EYA2: variants seen among roughly 807,000 people sequenced by gnomAD.
EYA2 encodes the protein EYA transcriptional coactivator and phosphatase 2.
EYA2 carries 31 observed loss-of-function variants against 69.2 expected under a neutral mutation model. The observed-to-expected ratio is 0.45, with a 90% CI of 0.34 to 0.60. The LOEUF is 0.60. EYA2 is among the 20% of genes least tolerant of loss of function. The pLI is 0.02. For missense variants in EYA2, 622 were observed against 701.2 expected, an observed-to-expected ratio of 0.89 and a Z score of 1.28; for synonymous variants, 257 against 279.4, an observed-to-expected ratio of 0.92 and a Z score of 0.80.
chr20:46,912,711 T>C (rs1170540973), intron 1 of EYA2, among the ~76,000 whole-genome samples: 1 of 151,296 alleles, frequency 6.6e-6, no homozygotes, highest in Non-Finnish European at 1.5e-5. Context: ...TCTTTTTTTT[T>C]GAGACGGAGT....
chr20:46,907,621 G>T (rs1030501345), intron 1 of EYA2, among the ~76,000 whole-genome samples: 2 of 152,198 alleles, frequency 1.3e-5, no homozygotes, highest in Non-Finnish European at 1.5e-5. Context: ...GGCGGATTGC[G>T]TGAAGTCAGA....
At chr20:46,968,622 G>C (rs993742570) in intron 1 of EYA2, among the ~76,000 whole-genome samples, 2 of 152,082 alleles carry the variant, frequency 1.3e-5, no homozygotes. Flanking sequence ...GACATTTTGG[G>C]TTGGATGATT....
chr20:47,044,745 T>C (rs1347545989), intron 5 of EYA2, among the ~76,000 whole-genome samples: 1 of 152,188 alleles, frequency 6.6e-6, no homozygotes, highest in Non-Finnish European at 1.5e-5. Flanking sequence ...ATTACTGATA[T>C]TTCTCCCATT....
At chr20:47,075,931 A>G (rs1286773535) in intron 7 of EYA2, among the ~76,000 whole-genome samples, 2 of 152,106 alleles carry the variant, frequency 1.3e-5, no homozygotes, top group African/African-American at 4.8e-5. Flanking sequence ...TTTAGCTCCC[A>G]CTTATAAGTA....
intron 5 of EYA2, among the ~76,000 whole-genome samples, chr20:47,063,859 T>G (rs990958907): frequency 1.4e-4 from 21 of 152,258 alleles, no homozygotes; most frequent in African/African-American, 5.1e-4. Flanking sequence ...TCAATACATC[T>G]GTGCTTTTGT....
intron 8 of EYA2, among the ~76,000 whole-genome samples, chr20:47,092,638 A>G (rs1287205708): frequency 6.6e-6 from 1 of 152,134 alleles, no homozygotes; most frequent in African/African-American, 2.4e-5. Flanking sequence ...TTTTTCCATT[A>G]AACTGAGAAA....
At chr20:47,118,864 C>T (rs1051484045) in intron 9 of EYA2, among the ~76,000 whole-genome samples, 5 of 152,154 alleles carry the variant, frequency 3.3e-5, no homozygotes, top group African/African-American at 1.2e-4. Flanking sequence ...CGCCAACTTC[C>T]CCCGCTTTCT....
intron 1 of EYA2, among the ~76,000 whole-genome samples, chr20:46,984,924 T>C (rs1215285758): frequency 6.6e-6 from 1 of 152,236 alleles, no homozygotes; most frequent in Non-Finnish European, 1.5e-5. Context: ...TATAGAATTA[T>C]AGCTACAAGC....
At chr20:47,150,331 G>T (rs546337189) in intron 10 of EYA2, among the ~76,000 whole-genome samples, 1 of 152,304 alleles carries the variant, frequency 6.6e-6, no homozygotes, top group East Asian at 1.9e-4. Flanking sequence ...TATGAATTAG[G>T]ATACAAGCTC....
At chr20:47,133,006 C>T (rs966285049) in intron 9 of EYA2, among the ~76,000 whole-genome samples, 10 of 152,280 alleles carry the variant, frequency 6.6e-5, no homozygotes, top group East Asian at 1.9e-4. Context: ...GGAATTGGCA[C>T]GTTGCATGCT....
intron 5 of EYA2, among the ~76,000 whole-genome samples, chr20:47,041,163 G>GA (rs1431661716): frequency 5.3e-5 from 8 of 152,208 alleles, no homozygotes; most frequent in Admixed American, 3.9e-4. Flanking sequence ...GAATTCTACA[G>GA]AAAAATCTGA....
intron 1 of EYA2, among the ~76,000 whole-genome samples, chr20:46,985,279 G>C (rs942907013): frequency 1.3e-5 from 2 of 152,142 alleles, no homozygotes; most frequent in Admixed American, 1.3e-4. Flanking sequence ...GAATGAACAA[G>C]ATTCTGTGTT....
intron 1 of EYA2, among the ~76,000 whole-genome samples, chr20:46,909,858 T>C (rs994174922): frequency 1.3e-5 from 2 of 152,204 alleles, no homozygotes; most frequent in African/African-American, 2.4e-5. Context: ...CTTATGAAAT[T>C]TGTGCTTTTT....
chr20:46,929,582 C>G (rs1275120701), intron 1 of EYA2, among the ~76,000 whole-genome samples: 1 of 151,942 alleles, frequency 6.6e-6, no homozygotes, highest in African/African-American at 2.4e-5. Context: ...GCAAGCAGAG[C>G]CCGGGTGATG....
chr20:46,912,021 T>C (rs956274830), intron 1 of EYA2, among the ~76,000 whole-genome samples: 1 of 152,208 alleles, frequency 6.6e-6, no homozygotes, highest in South Asian at 2.1e-4. Flanking sequence ...ATTGTATGCA[T>C]GTATCAGAAT....
At chr20:47,108,238 G>A (rs1055695958) in intron 9 of EYA2, among the ~76,000 whole-genome samples, 18 of 152,230 alleles carry the variant, frequency 1.2e-4, no homozygotes, top group Non-Finnish European at 1.5e-4. Flanking sequence ...CTCATTAATG[G>A]CTTGGTGCCA....
At chr20:47,079,996 A>C (rs1165718352) in intron 7 of EYA2, among the ~76,000 whole-genome samples, 5 of 152,238 alleles carry the variant, frequency 3.3e-5, no homozygotes, top group Non-Finnish European at 7.3e-5. Flanking sequence ...TGTAACAGGC[A>C]ATCTGTAGAA....
At chr20:46,925,639 C>G (rs954103808) in intron 1 of EYA2, among the ~76,000 whole-genome samples, 1 of 152,150 alleles carries the variant, frequency 6.6e-6, no homozygotes, top group African/African-American at 2.4e-5. Flanking sequence ...CCCATAAAAT[C>G]GAGAACAATT....
intron 5 of EYA2, among the ~76,000 whole-genome samples, chr20:47,033,635 G>A (rs1463843363): frequency 3.9e-5 from 6 of 152,190 alleles, no homozygotes; most frequent in Non-Finnish European, 8.8e-5. Context: ...GTGTCGGGGA[G>A]AGGCAGTCAG....
Sources: allele counts gnomAD v4.1 joint callset (sites outside exome capture counted in the v4.1 genomes callset), GRCh38; gene constraint gnomAD v4.1.1; transcripts MANE v1.5; gene names NCBI Gene and HGNC (gene_info 2026-07-23, HGNC 2026-07-21).